ALPK2: variants seen among roughly 807,000 people sequenced by gnomAD.
ALPK2 encodes alpha-protein kinase 2.
A neutral mutation model predicts 163.1 loss-of-function variants in ALPK2; 127 were observed. The observed-to-expected ratio is 0.78, with a 90% CI of 0.67 to 0.90. The LOEUF is 0.90. Among genes scored for constraint, ALPK2 ranks in the 40% least tolerant of loss-of-function variants. The pLI is 0.00. For synonymous variants in ALPK2, 953 were observed against 959.1 expected (o/e 0.99, Z 0.12); for missense variants, 2,360 against 2,589.6 (o/e 0.91, Z 1.92).
intron 5 of ALPK2, among the ~76,000 whole-genome samples, chr18:58,530,285 T>C (rs1225365096): frequency 6.6e-6 from 1 of 152,224 alleles, no homozygotes; most frequent in Admixed American, 6.5e-5. Flanking sequence ...ATAATGGGCC[T>C]GTTGGGTAGC....
intron 10 of ALPK2, among the ~76,000 whole-genome samples, chr18:58,509,236 G>C (rs1426798432): frequency 1.3e-5 from 2 of 151,950 alleles, no homozygotes; most frequent in East Asian, 3.9e-4. Context: ...TGGCTGCATA[G>C]TATTCCATGG....
Position 58,536,111 on chromosome 18 carries a change from G to C in ALPK2, c.4076C>G (p.Ala1359Gly). Residue 1359 changes from alanine to glycine, a missense_variant, in exon 5 of 13, where the codon GCG (alanine) becomes GGG (glycine). Coordinates refer to ENST00000361673, the MANE Select transcript of ALPK2 (RefSeq NM_052947.4). Reference sequence around the variant, plus strand: ...TTCCTTCCCTCCAGTTTCAGAAGCCGCTGACAGTGAATCTGTGACAGATAA... The same window carrying C: ...TTCCTTCCCTCCAGTTTCAGAAGCCCCTGACAGTGAATCTGTGACAGATAA... ...KELSVTDSLS[A>G]ASETGGKENV... is the part of the protein sequence containing the mutation. 1 of 1,614,088 alleles carries C rather than the reference G, an allele frequency of 6.2e-7. No individual in the cohort carries two copies.
In ALPK2 at chr18:58,504,152, G is replaced by T; in HGVS notation, c.6030-4C>A. 1 of 1,612,472 alleles carries T rather than the reference G, an allele frequency of 6.2e-7. No homozygotes were observed. Among genetic ancestry groups the T allele is most frequent in the East Asian group, 2.2e-5 (1 of 44,872 alleles). ...GATAAGAAAAATAGGAATGATCCTG[G>T]CAGGGAAGAGAACACAGGCGCACAT... On this transcript the variant is annotated splice_polypyrimidine_tract_variant and splice_region_variant and intron_variant, in intron 10 of 12. Coordinates refer to ENST00000361673, the MANE Select transcript of ALPK2 (RefSeq NM_052947.4).
intron 3 of ALPK2, chr18:58,580,770 T>G: frequency 1.8e-6 from 1 of 558,500 alleles, no homozygotes. Flanking sequence ...CCTTGAAACT[T>G]TCCTCAACGC....
At chr18:58,577,601 G>A (rs142226465) in intron 4 of ALPK2, among the ~76,000 whole-genome samples, 16 of 152,346 alleles carry the variant, frequency 1.1e-4, no homozygotes, top group Admixed American at 8.5e-4. Flanking sequence ...TGTGTGAGCT[G>A]CTAAGAGACA....
At chr18:58,611,299 T>C (rs1283060171) in intron 2 of ALPK2, among the ~76,000 whole-genome samples, 2 of 146,426 alleles carry the variant, frequency 1.4e-5, no homozygotes, top group Non-Finnish European at 3.0e-5. Flanking sequence ...AAAAAGTCAA[T>C]TAAAGAATAA....
chr18:58,531,221 A>T (rs1368429084), intron 5 of ALPK2, among the ~76,000 whole-genome samples: 2 of 152,084 alleles, frequency 1.3e-5, no homozygotes, highest in African/African-American at 4.8e-5. Context: ...ATTTTTTAAA[A>T]ACATTACTTA....
intron 4 of ALPK2, among the ~76,000 whole-genome samples, chr18:58,556,787 G>T (rs542794377): frequency 6.6e-6 from 1 of 152,304 alleles, no homozygotes; most frequent in South Asian, 2.1e-4. Flanking sequence ...CCACTGTCCT[G>T]TGTGAACCTG....
intron 11 of ALPK2, among the ~76,000 whole-genome samples, chr18:58,498,580 T>C (rs1568066647): frequency 6.6e-6 from 1 of 152,240 alleles, no homozygotes; most frequent in African/African-American, 2.4e-5. Context: ...GGTTTGGCCA[T>C]GTCCCCACCC....
At position 58,504,607 on chromosome 18, in the gene ALPK2, C is replaced by T. The variant is rs557063566; in HGVS notation, c.6030-459G>A. 3.9e-5 allele frequency among the ~76,000 whole-genome samples: 6 copies of T among 152,280 alleles called. No individual in the cohort carries two copies. In the East Asian group the frequency reaches 1.2e-3, roughly 29 times the overall value. ...CAGTGGCCTGTATGTGTCAGATACTCTTCCAGATGCTATTCCTCAAAACAG... is the reference window on the plus strand; with the variant it reads ...CAGTGGCCTGTATGTGTCAGATACTTTTCCAGATGCTATTCCTCAAAACAG... On this transcript the variant is annotated intron_variant, in intron 10 of 12. Transcript: ENST00000361673.
intron 11 of ALPK2, among the ~76,000 whole-genome samples, chr18:58,499,234 A>G (rs1442688031): frequency 6.6e-6 from 1 of 152,216 alleles, no homozygotes; most frequent in African/African-American, 2.4e-5. Flanking sequence ...AGCAAAAAGC[A>G]ATAGGCACCC....
chr18:58,507,366 G>A (rs570888888), intron 10 of ALPK2, among the ~76,000 whole-genome samples: 1 of 152,254 alleles, frequency 6.6e-6, no homozygotes, highest in South Asian at 2.1e-4. Flanking sequence ...CCTCAAAAAT[G>A]GCATGGGTTT....
intron 11 of ALPK2, among the ~76,000 whole-genome samples, chr18:58,499,368 A>G (rs1433995618): frequency 6.6e-6 from 1 of 152,158 alleles, no homozygotes; most frequent in Non-Finnish European, 1.5e-5. Flanking sequence ...GTGAGGGAGG[A>G]TAAGAGCTGC....
chr18:58,615,999 G>A (rs114312423), intron 1 of ALPK2, among the ~76,000 whole-genome samples: 2,475 of 152,326 alleles, frequency 0.016, 71 homozygotes, highest in African/African-American at 0.057. Flanking sequence ...TGTGGCTCGT[G>A]TTTCGTGGCT....
chr18:58,565,650 T>C (rs2051847988), intron 4 of ALPK2, among the ~76,000 whole-genome samples: 1 of 152,236 alleles, frequency 6.6e-6, no homozygotes, highest in African/African-American at 2.4e-5. Context: ...AGTGTATCAC[T>C]TTAATTTTCT....
At chr18:58,615,954 G>T (rs1200059494) in intron 1 of ALPK2, among the ~76,000 whole-genome samples, 1 of 152,224 alleles carries the variant, frequency 6.6e-6, no homozygotes, top group African/African-American at 2.4e-5. Context: ...AGCACTGACT[G>T]TACTCTGGAG....
intron 3 of ALPK2, among the ~76,000 whole-genome samples, chr18:58,590,535 A>G (rs2052009980): frequency 6.6e-6 from 1 of 152,196 alleles, no homozygotes; most frequent in Non-Finnish European, 1.5e-5. Flanking sequence ...CCTTGGCCAT[A>G]GCACCAGGTG....
chr18:58,626,141 G>A (rs1425995467), intron 1 of ALPK2, among the ~76,000 whole-genome samples: 3 of 152,102 alleles, frequency 2.0e-5, no homozygotes, highest in South Asian at 4.1e-4. Context: ...ATGTATCGAG[G>A]TACTCCAATG....
Position 58,606,831 on chromosome 18 carries a change from C to T in ALPK2, c.227+491G>A, listed in dbSNP as rs548005610. Among the ~76,000 whole-genome samples the T allele has an allele frequency of 3.4e-4, 51 of 151,662 alleles. No individual in the cohort carries two copies. In the South Asian group the frequency reaches 0.01, roughly 30 times the overall value. ...ATCCAAACAAAAGTTCTTGGAGGAA[C>T]AAAAAAAAATTCGAAATCACTGTAC... is the stretch of plus-strand genomic sequence containing the variant. On this transcript the variant is annotated intron_variant, in intron 3 of 12. Coordinates refer to ENST00000361673, the MANE Select transcript of ALPK2 (RefSeq NM_052947.4).
Sources: allele counts gnomAD v4.1 joint callset (sites outside exome capture counted in the v4.1 genomes callset), GRCh38; gene constraint gnomAD v4.1.1; transcripts MANE v1.5; gene names NCBI Gene and HGNC (gene_info 2026-07-23, HGNC 2026-07-21).